The following UGT2B7 variants were observed in gnomAD, a reference collection of about 807,000 sequenced individuals.
The protein encoded by UGT2B7 is UDP-glucuronosyltransferase 2B7.
A neutral mutation model predicts 51.9 loss-of-function variants in UGT2B7; 51 were observed. The ratio of observed to expected loss-of-function variants is 0.98; its 90% CI spans 0.78 to 1.24. The LOEUF (loss-of-function observed/expected upper bound fraction) is 1.24, where lower values mean the gene tolerates loss of function less well. Among genes scored for constraint, UGT2B7 ranks in the 50% most tolerant of loss-of-function variants. UGT2B7 has a pLI of 0.00. For synonymous variants in UGT2B7, 225 were observed against 211.6 expected, an observed-to-expected ratio of 1.06 and a Z score of -0.55; for missense variants, 727 against 628.4, an observed-to-expected ratio of 1.16 and a Z score of -1.68.
chr4:69,111,173 A>C (rs1719760850), intron 5 of UGT2B7, among the ~76,000 whole-genome samples: 1 of 152,148 alleles, frequency 6.6e-6, no homozygotes, highest in East Asian at 1.9e-4. Flanking sequence ...GTAAAATAGA[A>C]GGCCAATCTA....
intron 1 of UGT2B7, among the ~76,000 whole-genome samples, chr4:69,083,450 G>A (rs1437766078): frequency 6.6e-6 from 1 of 152,044 alleles, no homozygotes; most frequent in Non-Finnish European, 1.5e-5. Flanking sequence ...ATAGGAGCAG[G>A]TCAACGTATA....
At chr4:69,077,089 G>T (rs151336251) in intron 1 of UGT2B7, among the ~76,000 whole-genome samples, 29,895 of 151,996 alleles carry the variant, frequency 0.2, 3,129 homozygotes, top group African/African-American at 0.25. Context: ...TCAGGTGGTT[G>T]TATATGTGTG....
chr4:69,074,826 A>G (rs1340740580), intron 1 of UGT2B7, among the ~76,000 whole-genome samples: 1 of 152,098 alleles, frequency 6.6e-6, no homozygotes, highest in Non-Finnish European at 1.5e-5. Flanking sequence ...TTCCAATTTT[A>G]ACAACTGGTG....
At chr4:69,064,100 A>AGAGAGAGAGAGAGAG (rs1560499772) in intron 1 of UGT2B7, among the ~76,000 whole-genome samples, 7 of 104,722 alleles carry the variant, frequency 6.7e-5, no homozygotes, top group Non-Finnish European at 9.3e-5. Flanking sequence ...AAGAAAGAGA[A>AGAGAGAGAGAGAGAG]AGAAAGAAAG....
intron 1 of UGT2B7, among the ~76,000 whole-genome samples, chr4:69,052,108 C>T (rs937603278): frequency 5.9e-5 from 9 of 151,966 alleles, no homozygotes; most frequent in African/African-American, 1.9e-4. Flanking sequence ...AAACTTAGAG[C>T]TTTGTGTGAA....
At position 69,112,813 on chromosome 4, in the gene UGT2B7, G is replaced by A. The variant is rs1719821551; in HGVS notation, c.*77G>A. The stretch of plus-strand genomic sequence containing the variant: ...TTATTCCAGCAAGAAAGATTGTGAT[G>A]CAAGATTTCTTTCTTCCTGAGACAA... On this transcript the variant is annotated 3_prime_UTR_variant, in exon 6 of 6. Coordinates refer to ENST00000305231, the MANE Select transcript of UGT2B7 (RefSeq NM_001074.4). 5 of 1,378,758 alleles carry A rather than the reference G, an allele frequency of 3.6e-6. No homozygotes were observed. In the South Asian group the frequency reaches 5.0e-5, roughly 14 times the overall value. The allele number at this position is 1,378,758 out of a possible 1,614,324, so 85.4% of individuals were successfully genotyped here. A position where few individuals can be genotyped will look rare whatever the true frequency, so the allele number is the denominator to read the frequency against.
intron 1 of UGT2B7, among the ~76,000 whole-genome samples, chr4:69,070,815 C>T (rs889415031): frequency 6.6e-6 from 1 of 152,064 alleles, no homozygotes; most frequent in Non-Finnish European, 1.5e-5. Context: ...TGACATAGTG[C>T]ACATATAAGC....
chr4:69,106,102 CT>C (rs1314745169), intron 3 of UGT2B7, among the ~76,000 whole-genome samples: 3 of 151,834 alleles, frequency 2.0e-5, no homozygotes, highest in Non-Finnish European at 4.4e-5. Context: ...ATTAATTTAA[CT>C]TTTATTTGTA....
At chr4:69,065,033 C>T (rs1718456475) in intron 1 of UGT2B7, among the ~76,000 whole-genome samples, 1 of 152,112 alleles carries the variant, frequency 6.6e-6, no homozygotes, top group African/African-American at 2.4e-5. Flanking sequence ...ACTGTACACA[C>T]TACAAATGTT....
intron 1 of UGT2B7, among the ~76,000 whole-genome samples, chr4:69,052,498 C>G (rs529881512): frequency 7.9e-6 from 1 of 127,014 alleles, no homozygotes; most frequent in Non-Finnish European, 1.6e-5. Flanking sequence ...AAATTCTAAT[C>G]TTGTGGCCTT....
intron 1 of UGT2B7, among the ~76,000 whole-genome samples, chr4:69,077,574 G>C (rs1378903861): frequency 1.6e-5 from 2 of 127,460 alleles, no homozygotes; most frequent in Non-Finnish European, 3.2e-5. Context: ...CTCATGATTT[G>C]GCTCTCTTTT....
At chr4:69,064,028 G>GAAAGAAAGAAAA (rs1718417036) in intron 1 of UGT2B7, among the ~76,000 whole-genome samples, 1 of 53,982 alleles carries the variant, frequency 1.9e-5, no homozygotes, top group Non-Finnish European at 3.3e-5. Flanking sequence ...GGGAAAGAAA[G>GAAAGAAAGAAAA]AAAGAAAGAA....
Position 69,102,864 on chromosome 4 carries a change from G to C in UGT2B7, c.928G>C (p.Gly310Arg). 1 of 1,613,536 alleles carries C rather than the reference G, an allele frequency of 6.2e-7. No homozygotes were observed. Among genetic ancestry groups the C allele is most frequent in the Non-Finnish European group, 8.5e-7 (1 of 1,179,716 alleles). Reference protein sequence around the residue: ...GENGVVVFSLGSMVSNMTEER... With the variant: ...GENGVVVFSLRSMVSNMTEER... The stretch of plus-strand genomic sequence containing the variant: ...AAATGGTGTTGTGGTGTTTTCTCTG[G>C]GGTCAATGGTCAGTAACATGACAGA... Residue 310 changes from glycine (G) to arginine (R), a missense_variant, in exon 3 of 6, where the codon GGG (glycine) becomes CGG (arginine). Coordinates refer to ENST00000305231, the MANE Select transcript of UGT2B7 (RefSeq NM_001074.4).
intron 2 of UGT2B7, 82 bp from the exon 3 acceptor site, chr4:69,102,725 C>T: frequency 6.4e-7 from 1 of 1,551,886 alleles, no homozygotes; most frequent in Non-Finnish European, 8.7e-7. Flanking sequence ...GATTTTCTCT[C>T]TTTAGTAATT....
intron 1 of UGT2B7, among the ~76,000 whole-genome samples, chr4:69,072,276 T>TCTA (rs1218291461): frequency 1.3e-5 from 2 of 152,136 alleles, no homozygotes; most frequent in Non-Finnish European, 2.9e-5. Context: ...ACACAGAAAC[T>TCTA]CTAAGTAGTC....
intron 5 of UGT2B7, among the ~76,000 whole-genome samples, chr4:69,111,778 C>A (rs902656829): frequency 1.3e-5 from 2 of 152,112 alleles, no homozygotes; most frequent in African/African-American, 4.8e-5. Flanking sequence ...ACTTTCTCAG[C>A]TAACATTCAA....
intron 1 of UGT2B7, among the ~76,000 whole-genome samples, chr4:69,071,528 G>A (rs568219969): frequency 1.3e-5 from 2 of 152,116 alleles, no homozygotes; most frequent in African/African-American, 2.4e-5. Context: ...CAGAGAAGAA[G>A]GGAACAAACT....
At chr4:69,099,884 A>T (rs555250231) in intron 2 of UGT2B7, among the ~76,000 whole-genome samples, 1 of 152,032 alleles carries the variant, frequency 6.6e-6, no homozygotes, top group Non-Finnish European at 1.5e-5. Context: ...TACCCTGTGG[A>T]CTTGATTAAA....
chr4:69,081,087 C>A (rs555191684), intron 1 of UGT2B7, among the ~76,000 whole-genome samples: 2 of 152,202 alleles, frequency 1.3e-5, no homozygotes, highest in South Asian at 4.1e-4. Context: ...AATATTATTA[C>A]TAAATTAATC....
Sources: gnomAD v4.1 joint callset for allele counts (sites outside exome capture counted in the v4.1 genomes callset) on GRCh38, gnomAD v4.1.1 for gene constraint, MANE v1.5 for transcripts, NCBI Gene and HGNC (gene_info 2026-07-23, HGNC 2026-07-21) for gene names.